The following CHRNB3 variants were observed in gnomAD, a reference collection of about 807,000 sequenced individuals.
CHRNB3 encodes cholinergic receptor nicotinic beta 3 subunit.
CHRNB3 carries 37 observed loss-of-function variants against 40.6 expected under a neutral mutation model. The ratio of observed to expected loss-of-function variants is 0.91; its 90% confidence interval spans 0.70 to 1.20. The LOEUF (loss-of-function observed/expected upper bound fraction) is 1.20, where lower values mean the gene tolerates loss of function less well. CHRNB3 is among the 50% of genes most tolerant of loss of function. The pLI, the probability that CHRNB3 is intolerant of heterozygous loss-of-function variation, is 0.00. For synonymous variants in CHRNB3, 207 were observed against 207.1 expected, an observed-to-expected ratio of 1.00 and a Z score of 0.00; for missense variants, 505 against 551.2, an observed-to-expected ratio of 0.92 and a Z score of 0.84.
chr8:42,710,264 G>A (rs998821269), intron 2 of CHRNB3, 126 bp from the exon 3 acceptor site: 1 of 716,494 alleles, frequency 1.4e-6, no homozygotes, highest in East Asian at 2.8e-5. Context: ...GGTGCAGTGA[G>A]CTATGGTGGC....
At chr8:42,708,962 C>A in intron 2 of CHRNB3, 94 bp downstream of exon 2, 1 of 1,274,358 alleles carries the variant, frequency 7.8e-7, no homozygotes, top group Non-Finnish European at 1.1e-6. Context: ...TCTGCCATTT[C>A]AATTTTAAAA....
chr8:42,715,945 G>A (rs1816092159), intron 3 of CHRNB3, among the ~76,000 whole-genome samples: 1 of 150,186 alleles, frequency 6.7e-6, no homozygotes, highest in Admixed American at 6.6e-5. Flanking sequence ...AACGTGGAAA[G>A]CACCTTAGAG....
At chr8:42,697,752 T>C (rs1026500359) in intron 1 of CHRNB3, among the ~76,000 whole-genome samples, 154 bp downstream of exon 1, 2 of 152,204 alleles carry the variant, frequency 1.3e-5, no homozygotes, top group Non-Finnish European at 2.9e-5. Flanking sequence ...TGAGTAATTC[T>C]GTGAGATGTG....
intron 5 of CHRNB3, among the ~76,000 whole-genome samples, chr8:42,732,952 T>C (rs564422287): frequency 1.5e-4 from 23 of 152,262 alleles, no homozygotes; most frequent in Admixed American, 9.2e-4. Context: ...AGAATGAGAT[T>C]TTTAAATTAA....
At chr8:42,720,774 C>G (rs1563612397) in intron 3 of CHRNB3, among the ~76,000 whole-genome samples, 2 of 152,208 alleles carry the variant, frequency 1.3e-5, no homozygotes, top group Non-Finnish European at 2.9e-5. Context: ...AATACCTCCC[C>G]CTGAGGCTTG....
At chr8:42,705,422 G>A (rs1815906063) in intron 1 of CHRNB3, among the ~76,000 whole-genome samples, 1 of 152,178 alleles carries the variant, frequency 6.6e-6, no homozygotes, top group South Asian at 2.1e-4. Flanking sequence ...CCTAATGGTA[G>A]GTGTTTGGGT....
At chr8:42,736,342 A>T (rs1816522656) in intron 5 of CHRNB3, 142 bp from the exon 6 acceptor site, 2 of 959,700 alleles carry the variant, frequency 2.1e-6, no homozygotes, top group Admixed American at 2.3e-5. Context: ...CTGAGCCTGT[A>T]GTGTGGTTGG....
Position 42,722,226 on chromosome 8 carries a change from T to C in CHRNB3, c.250-8368T>C, listed in dbSNP as rs1180913926. 2.6e-5 allele frequency among the ~76,000 whole-genome samples: 4 copies of C among 151,874 alleles called. No homozygotes were observed. In the East Asian group the frequency reaches 7.7e-4, roughly 29 times the overall value. ...CCATCTGTACTAAAAATACAAAAAT[T>C]AGCCAGGCTTGGTGGCACATCCCAT... On this transcript the variant is annotated intron_variant, in intron 3 of 5. Coordinates refer to ENST00000289957, the MANE Select transcript of CHRNB3 (RefSeq NM_000749.5).
intron 3 of CHRNB3, among the ~76,000 whole-genome samples, chr8:42,724,346 A>G (rs1816269187): frequency 6.6e-6 from 1 of 152,212 alleles, no homozygotes; most frequent in Non-Finnish European, 1.5e-5. Context: ...TTTCCCCCAA[A>G]GTTCAAGAAC....
At chr8:42,705,014 C>T (rs1815897148) in intron 1 of CHRNB3, among the ~76,000 whole-genome samples, 1 of 152,118 alleles carries the variant, frequency 6.6e-6, no homozygotes, top group South Asian at 2.1e-4. Context: ...TCCATTCTGC[C>T]CTCCTATGTG....
rs927196723 is a variant in CHRNB3 at position 42,708,957 on chromosome 8, C to A, written c.204+89C>A. 13 of 1,286,944 alleles carry A rather than the reference C, an allele frequency of 1.0e-5. No individual in the cohort carries two copies. The Admixed American group carries it at 1.8e-4, about 18-fold the overall frequency. 79.7% of individuals were successfully genotyped at this position (1,286,944 alleles called of 1,614,324 possible). A position where few individuals can be genotyped will look rare whatever the true frequency, so the allele number is the denominator to read the frequency against. On this transcript the variant is annotated intron_variant, in intron 2 of 5. Coordinates refer to ENST00000289957, the MANE Select transcript of CHRNB3 (RefSeq NM_000749.5). ...AATATATATTTTTCCCTATGTCTGC[C>A]ATTTCAATTTTAAAAATAATTTACT...
chr8:42,706,551 G>C (rs1463377271), intron 1 of CHRNB3, among the ~76,000 whole-genome samples: 1 of 152,038 alleles, frequency 6.6e-6, no homozygotes, highest in Non-Finnish European at 1.5e-5. Flanking sequence ...TATTCTCAAG[G>C]ACATTAAGAC....
At chr8:42,709,324 C>T (rs1285729141) in intron 2 of CHRNB3, among the ~76,000 whole-genome samples, 3 of 152,216 alleles carry the variant, frequency 2.0e-5, no homozygotes, top group African/African-American at 7.2e-5. Context: ...TAGGCAGCCC[C>T]GTCACCTCTT....
At chr8:42,697,966 C>G (rs188930417) in intron 1 of CHRNB3, among the ~76,000 whole-genome samples, 25 of 152,284 alleles carry the variant, frequency 1.6e-4, no homozygotes, top group Non-Finnish European at 3.4e-4. Context: ...ATTTTTCTAT[C>G]ATATTTACCA....
intron 4 of CHRNB3, among the ~76,000 whole-genome samples, chr8:42,731,120 A>C (rs1459656065): frequency 1.3e-5 from 2 of 152,012 alleles, no homozygotes; most frequent in Non-Finnish European, 2.9e-5. Flanking sequence ...AAGGAAAGTA[A>C]GTATCACAGA....
intron 2 of CHRNB3, among the ~76,000 whole-genome samples, chr8:42,710,151 C>G (rs1440200759): frequency 1.3e-5 from 2 of 152,040 alleles, no homozygotes; most frequent in Admixed American, 1.3e-4. Context: ...ATAGATTTTT[C>G]TGATCGAAAC....
intron 1 of CHRNB3, among the ~76,000 whole-genome samples, chr8:42,702,169 G>A (rs999881773): frequency 1.3e-5 from 2 of 152,098 alleles, no homozygotes; most frequent in African/African-American, 4.8e-5. Flanking sequence ...CAGGCCAAGT[G>A]CACGCCATCC....
At chr8:42,714,650 T>C (rs1478843890) in intron 3 of CHRNB3, among the ~76,000 whole-genome samples, 3 of 152,136 alleles carry the variant, frequency 2.0e-5, no homozygotes, top group Non-Finnish European at 4.4e-5. Context: ...CAGCTAATAA[T>C]AATATTTAAG....
chr8:42,731,970 C>T lies in CHRNB3; in HGVS notation c.663C>T (p.Pro221=), dbSNP rs773354993. Residue 221 remains proline (P), a synonymous_variant, in exon 5 of 6, where the codon CCC becomes CCT. Coordinates refer to ENST00000289957, the MANE Select transcript of CHRNB3 (RefSeq NM_000749.5). ...GAAGGGACGGCGTGTACTCCTATCC[C>T]TTTATCACGTATTCCTTCGTCCTGA... The part of the protein sequence containing the change: ...GNRRDGVYSY[P]FITYSFVLRR... 27 of 1,613,992 alleles carry T rather than the reference C, an allele frequency of 1.7e-5. No homozygotes were observed. The highest frequency in any genetic ancestry group is 2.0e-5 in the Non-Finnish European group (24 of 1,180,038).
Sources: allele counts gnomAD v4.1 joint callset (sites outside exome capture counted in the v4.1 genomes callset), GRCh38; gene constraint gnomAD v4.1.1; transcripts MANE v1.5; gene names NCBI Gene and HGNC (gene_info 2026-07-23, HGNC 2026-07-21).